ADHFE1: variants seen among roughly 807,000 people sequenced by gnomAD.
ADHFE1 encodes the protein hydroxyacid-oxoacid transhydrogenase, mitochondrial.
In ADHFE1, 37 loss-of-function variants were observed where a neutral mutation model predicts 54.8. That is an observed-to-expected ratio of 0.68 (90% CI 0.52 to 0.89). The LOEUF (loss-of-function observed/expected upper bound fraction) is 0.89. Ranked by LOEUF, ADHFE1 falls within the 40% of genes least tolerant of loss-of-function variation. The probability of loss-of-function intolerance (pLI) is 0.00; values close to 1 mark genes in which losing one functional copy is unlikely to be tolerated. For synonymous variants in ADHFE1, 203 were observed against 229.3 expected, an observed-to-expected ratio of 0.89 and a Z score of 1.04; for missense variants, 601 against 591.2, an observed-to-expected ratio of 1.02 and a Z score of -0.17.
At chr8:66,442,758 T>C in intron 2 of ADHFE1, 40 bp from the exon 3 acceptor site, 1 of 1,567,442 alleles carries the variant, frequency 6.4e-7, no homozygotes, top group South Asian at 1.2e-5. Flanking sequence ...TTATGCTTTT[T>C]TTTAAAGACC....
intron 8 of ADHFE1, among the ~76,000 whole-genome samples, chr8:66,449,852 C>T (rs1239515683): frequency 1.3e-5 from 2 of 152,208 alleles, no homozygotes; most frequent in Non-Finnish European, 2.9e-5. Flanking sequence ...GGCACAGTGG[C>T]TCACGCCTGT....
chr8:66,447,342 G>T lies in ADHFE1; in HGVS notation c.628+1G>T. 6.2e-7 allele frequency: 1 copy of T among 1,608,678 alleles called. No individual in the cohort carries two copies. The highest frequency in any genetic ancestry group is 8.5e-7 in the Non-Finnish European group (1 of 1,175,410). On this transcript the variant is annotated splice_donor_variant, in intron 7 of 13. Transcript: ENST00000396623. LOFTEE classifies it high-confidence loss of function. ...TATGAACACTTGAAAGTAAAAATTG[G>T]TAAGAACCATACTTTTGAATTATCT...
Position 66,457,479 on chromosome 8 carries a change from C to CAA in ADHFE1, c.1162+326_1162+327dup, listed in dbSNP as rs34484813. 5.9e-3 allele frequency among the ~76,000 whole-genome samples: 775 copies of CAA among 130,266 alleles called. 10 individuals are homozygous for CAA. The highest frequency in any genetic ancestry group is 0.02 in the African/African-American group (707 of 35,620). The allele number at this position is 130,266 out of a possible 152,430, so 85.5% of individuals were successfully genotyped here. A position where few individuals can be genotyped will look rare whatever the true frequency, so the allele number is the denominator to read the frequency against. ...GGAGACAGAGTGAGACTCTCTCTCT[C>CAA]AAAAAAAAAAAAAAGAACCATAAAG... On this transcript the variant is annotated intron_variant, in intron 12 of 13. Transcript: ENST00000396623.
chr8:66,462,624 C>T (rs1240625893), intron 13 of ADHFE1, among the ~76,000 whole-genome samples: 1 of 152,188 alleles, frequency 6.6e-6, no homozygotes, highest in East Asian at 1.9e-4. Flanking sequence ...TGCAAGGGGC[C>T]TTCCAAAAGG....
chr8:66,452,359 G>A (rs1806345202), intron 9 of ADHFE1, among the ~76,000 whole-genome samples: 1 of 152,230 alleles, frequency 6.6e-6, no homozygotes, highest in Admixed American at 6.5e-5. Flanking sequence ...AGGATGAGGG[G>A]TGGTGTCCTT....
In ADHFE1 at chr8:66,452,068, A is replaced by G. The variant is rs777605571; in HGVS notation, c.850A>G (p.Ile284Val). The G allele has an allele frequency of 3.1e-6, 5 of 1,614,210 alleles. No individual in the cohort carries two copies. The highest frequency in any genetic ancestry group is 4.2e-6 in the Non-Finnish European group (5 of 1,180,028). ...GSNPISDIWA[I>V]HALRIVAKYL... is the part of the protein sequence containing the mutation. ...CAACCCAATCAGTGACATTTGGGCT[A>G]TCCACGCGCTGCGGATCGTGGCTAA... Residue 284 changes from isoleucine to valine, a missense_variant, in exon 9 of 14, where the codon ATC (isoleucine) becomes GTC (valine). Ile to Val is a conservative substitution (Grantham distance 29). Coordinates refer to ENST00000396623, the MANE Select transcript of ADHFE1 (RefSeq NM_144650.3).
intron 8 of ADHFE1, among the ~76,000 whole-genome samples, chr8:66,450,739 C>T (rs1183845872): frequency 1.3e-5 from 2 of 152,234 alleles, no homozygotes; most frequent in Non-Finnish European, 2.9e-5. Context: ...AAATGTGCTG[C>T]AAGGCAGAGG....
chr8:66,456,963 C>T (rs1490488313), intron 11 of ADHFE1, 68 bp downstream of exon 11: 1 of 1,442,888 alleles, frequency 6.9e-7, no homozygotes, highest in Non-Finnish European at 9.3e-7. Context: ...AATATATTTG[C>T]CAATTCTCGC....
In ADHFE1 at chr8:66,444,729, G is replaced by A; in HGVS notation, c.334G>A (p.Val112Met). Residue 112 changes from valine (V) to methionine (M), a missense_variant, in exon 5 of 14, where the codon GTG becomes ATG. Val to Met is a conservative substitution (Grantham distance 21). Coordinates refer to ENST00000396623, the MANE Select transcript of ADHFE1 (RefSeq NM_144650.3). ...CTTTACGGTTTATGATAATGTGAGA[G>A]TGGAACCAACGGATTCAAGGTATTC... ...IPFTVYDNVR[V>M]EPTDSSFMEA... 1.2e-6 allele frequency: 2 copies of A among 1,614,110 alleles called. No homozygotes were observed. Among genetic ancestry groups the A allele is most frequent in the Non-Finnish European group, 1.7e-6 (2 of 1,180,026 alleles).
At chr8:66,457,690 A>T (rs1806662461) in intron 12 of ADHFE1, among the ~76,000 whole-genome samples, 1 of 152,150 alleles carries the variant, frequency 6.6e-6, no homozygotes. Flanking sequence ...TAAATATATG[A>T]TTAAAAATGT....
chr8:66,463,666 T>C (rs775390170), intron 13 of ADHFE1, among the ~76,000 whole-genome samples: 2 of 152,114 alleles, frequency 1.3e-5, no homozygotes, highest in Non-Finnish European at 2.9e-5. Context: ...CACTTCAGAG[T>C]TTTACACATG....
intron 6 of ADHFE1, among the ~76,000 whole-genome samples, chr8:66,446,437 G>A (rs1179423830): frequency 6.6e-6 from 1 of 152,214 alleles, no homozygotes; most frequent in African/African-American, 2.4e-5. Context: ...CCCAGCTGCA[G>A]CTGCTTAAGC....
At position 66,460,582 on chromosome 8, in the gene ADHFE1, G is replaced by T. The variant is rs529708387; in HGVS notation, c.1320+117G>T. Reference sequence around the variant, plus strand: ...AACCAGGGCTCCCCGGTGGTTCTCGGGTCTCCTCCACAGCAGACAGCAGTT... The same window carrying T: ...AACCAGGGCTCCCCGGTGGTTCTCGTGTCTCCTCCACAGCAGACAGCAGTT... On this transcript the variant is annotated intron_variant, in intron 13 of 13. Coordinates refer to ENST00000396623, the MANE Select transcript of ADHFE1 (RefSeq NM_144650.3). The T allele has an allele frequency of 2.0e-4, 253 of 1,280,598 alleles. 1 individual carries two copies. Among genetic ancestry groups the T allele is most frequent in the Non-Finnish European group, 2.1e-4 (199 of 944,868 alleles). 79.3% of individuals were successfully genotyped at this position (1,280,598 alleles called of 1,614,324 possible).
chr8:66,456,022 T>G (rs937085134), intron 10 of ADHFE1, among the ~76,000 whole-genome samples: 1 of 152,138 alleles, frequency 6.6e-6, no homozygotes, highest in African/African-American at 2.4e-5. Flanking sequence ...ATAAAAAATT[T>G]TTCACTAAGC....
At chr8:66,441,914 G>A (rs1436659532) in intron 2 of ADHFE1, among the ~76,000 whole-genome samples, 1 of 151,366 alleles carries the variant, frequency 6.6e-6, no homozygotes, top group East Asian at 1.9e-4. Context: ...GGAGGTTGCA[G>A]TGAGCCGAGA....
chr8:66,455,897 T>A (rs2555587), intron 10 of ADHFE1, among the ~76,000 whole-genome samples: 96,756 of 152,064 alleles, frequency 0.64, 32,204 homozygotes, highest in African/African-American at 0.83. Flanking sequence ...CCAGAATTGC[T>A]CCACTCCAGC....
At chr8:66,443,886 G>T (rs1300184595) in intron 3 of ADHFE1, among the ~76,000 whole-genome samples, 1 of 151,818 alleles carries the variant, frequency 6.6e-6, no homozygotes, top group African/African-American at 2.4e-5. Flanking sequence ...GGCGAAACAT[G>T]ACCCATCATC....
intron 9 of ADHFE1, among the ~76,000 whole-genome samples, chr8:66,452,807 A>G (rs1340505670): frequency 6.6e-6 from 1 of 152,264 alleles, no homozygotes; most frequent in Non-Finnish European, 1.5e-5. Flanking sequence ...GCAAATAGCA[A>G]TCAGGTCCTG....
intron 3 of ADHFE1, among the ~76,000 whole-genome samples, chr8:66,443,503 C>G (rs1482755338): frequency 6.6e-6 from 1 of 152,110 alleles, no homozygotes; most frequent in African/African-American, 2.4e-5. Flanking sequence ...GTCTCGAACT[C>G]CTGACCTCAG....
Sources: gnomAD v4.1 joint callset for allele counts (sites outside exome capture counted in the v4.1 genomes callset) on GRCh38, gnomAD v4.1.1 for gene constraint, MANE v1.5 for transcripts, NCBI Gene and HGNC (gene_info 2026-07-23, HGNC 2026-07-21) for gene names.